The following FSTL4 variants were observed in gnomAD, a reference collection of about 807,000 sequenced individuals.
The protein encoded by FSTL4 is follistatin like 4.
In FSTL4, 28 loss-of-function variants were observed where a neutral mutation model predicts 78.2. That is an observed-to-expected ratio of 0.36 (90% CI 0.27 to 0.49). The LOEUF (loss-of-function observed/expected upper bound fraction) is 0.49. Among genes scored for constraint, FSTL4 ranks in the 20% least tolerant of loss-of-function variants. The pLI is 0.98. For missense variants in FSTL4, 922 were observed against 1,084.9 expected, an observed-to-expected ratio of 0.85 and a Z score of 2.11; for synonymous variants, 422 against 440.5, an observed-to-expected ratio of 0.96 and a Z score of 0.53.
chr5:133,807,749 T>C, the FSTL4 span, among the ~76,000 whole-genome samples: 1 of 152,202 alleles, frequency 6.6e-6, no homozygotes, highest in Non-Finnish European at 1.5e-5. Flanking sequence ...GGTCATGTCC[T>C]CTCACCGCAA....
intron 1 of FSTL4, among the ~76,000 whole-genome samples, chr5:133,608,748 T>A (rs1441830056): frequency 6.6e-6 from 1 of 152,178 alleles, no homozygotes; most frequent in Non-Finnish European, 1.5e-5. Context: ...GTATTACAGG[T>A]TAGTATGATG....
chr5:133,404,484 C>T (rs551100516), intron 3 of FSTL4, among the ~76,000 whole-genome samples: 1 of 152,308 alleles, frequency 6.6e-6, no homozygotes, highest in African/African-American at 2.4e-5. Flanking sequence ...GCCAAATAAG[C>T]TGCTTTCCAA....
the FSTL4 span, among the ~76,000 whole-genome samples, chr5:133,716,357 T>C: frequency 2.2e-3 from 335 of 150,824 alleles, 3 homozygotes; most frequent in African/African-American, 7.7e-3. Context: ...GAGATGTGCC[T>C]CATCAGTTTA....
intron 4 of FSTL4, among the ~76,000 whole-genome samples, chr5:133,343,112 A>G (rs1431686901): frequency 6.6e-6 from 1 of 152,170 alleles, no homozygotes; most frequent in Non-Finnish European, 1.5e-5. Context: ...ATTATTGTGC[A>G]TCATCACAAG....
chr5:133,371,143 G>A (rs563463026), intron 4 of FSTL4, among the ~76,000 whole-genome samples: 53 of 152,340 alleles, frequency 3.5e-4, no homozygotes, highest in African/African-American at 1.1e-3. Context: ...GAGGGCCAAC[G>A]GTCCCGAGGA....
rs76882147 is a variant in FSTL4, at chr5:133,219,023, A to G, written c.1459-1645T>C. ...GGGACCTTCTTTTCCTTTGTCTTAC[A>G]TGATATACAGTCTCATGGTTTTCCT... On this transcript the variant is annotated intron_variant, in intron 12 of 15. Transcript: ENST00000265342. 7.9e-3 allele frequency among the ~76,000 whole-genome samples: 1,196 copies of G among 152,334 alleles called. 9 individuals carry two copies. The highest frequency in any genetic ancestry group is 0.014 in the Non-Finnish European group (955 of 68,036).
chr5:133,622,882 G>T, the FSTL4 span, among the ~76,000 whole-genome samples: 2,249 of 152,150 alleles, frequency 0.015, 57 homozygotes, highest in African/African-American at 0.052. Context: ...CGGGTCTTCT[G>T]CAGAGCAAAA....
intron 2 of FSTL4, among the ~76,000 whole-genome samples, chr5:133,602,036 G>A (rs1162066950): frequency 6.6e-6 from 1 of 151,878 alleles, no homozygotes; most frequent in Non-Finnish European, 1.5e-5. Flanking sequence ...CTAAGCCCTA[G>A]GCCCATTCCC....
At chr5:133,642,692 T>C in the FSTL4 span, among the ~76,000 whole-genome samples, 2 of 152,234 alleles carry the variant, frequency 1.3e-5, no homozygotes, top group Admixed American at 6.5e-5. Context: ...TGACCATCTC[T>C]GTCTGCACAG....
intron 3 of FSTL4, among the ~76,000 whole-genome samples, chr5:133,542,782 T>A (rs188169322): frequency 7.9e-5 from 12 of 152,262 alleles, no homozygotes. Flanking sequence ...TTATTACATC[T>A]TCTTTTCATT....
intron 4 of FSTL4, among the ~76,000 whole-genome samples, chr5:133,320,510 T>C (rs926753308): frequency 6.6e-6 from 1 of 151,996 alleles, no homozygotes; most frequent in African/African-American, 2.4e-5. Flanking sequence ...CAAATAAAAA[T>C]AAAGAAAAAG....
At chr5:133,503,051 T>C (rs1758534478) in intron 3 of FSTL4, among the ~76,000 whole-genome samples, 3 of 152,216 alleles carry the variant, frequency 2.0e-5, no homozygotes, top group Admixed American at 1.3e-4. Flanking sequence ...AGAAAACTTA[T>C]ACAGAGACTG....
the FSTL4 span, among the ~76,000 whole-genome samples, chr5:133,840,710 T>A: frequency 6.6e-6 from 1 of 152,194 alleles, no homozygotes; most frequent in Admixed American, 6.5e-5. Context: ...GCTAAAAGTC[T>A]ACACAGGATT....
intron 6 of FSTL4, among the ~76,000 whole-genome samples, chr5:133,306,920 A>G (rs1353723856): frequency 6.6e-6 from 1 of 152,048 alleles, no homozygotes; most frequent in Non-Finnish European, 1.5e-5. Context: ...CTTCATCATT[A>G]CCCTCACCGC....
chr5:133,456,562 A>T (rs768600266), intron 3 of FSTL4, among the ~76,000 whole-genome samples: 3 of 152,222 alleles, frequency 2.0e-5, no homozygotes, highest in Non-Finnish European at 2.9e-5. Context: ...TTCCCTGCTG[A>T]GGCCAACAGC....
the FSTL4 span, among the ~76,000 whole-genome samples, chr5:133,707,273 G>C: frequency 6.6e-6 from 1 of 152,114 alleles, no homozygotes. Flanking sequence ...CAAGCTCCAC[G>C]GCCTCTGGAC....
At chr5:133,826,888 C>G in the FSTL4 span, among the ~76,000 whole-genome samples, 3 of 152,244 alleles carry the variant, frequency 2.0e-5, no homozygotes, top group African/African-American at 7.2e-5. Context: ...AAAATTCTGT[C>G]TTTTCTTAGG....
the FSTL4 span, among the ~76,000 whole-genome samples, chr5:133,794,779 A>G: frequency 6.6e-6 from 1 of 152,038 alleles, no homozygotes. Flanking sequence ...ACACACCACA[A>G]CCATGTCCTC....
chr5:133,479,469 C>A (rs969473899), intron 3 of FSTL4, among the ~76,000 whole-genome samples: 1 of 152,138 alleles, frequency 6.6e-6, no homozygotes, highest in Non-Finnish European at 1.5e-5. Context: ...GTTCATCAGC[C>A]GATGAACGGA....
Sources: gnomAD v4.1 joint callset for allele counts (sites outside exome capture counted in the v4.1 genomes callset) on GRCh38, gnomAD v4.1.1 for gene constraint, MANE v1.5 for transcripts, NCBI Gene and HGNC (gene_info 2026-07-23, HGNC 2026-07-21) for gene names.